Variants in PCNP observed in about 807,000 individuals in gnomAD.
PCNP encodes the protein PEST proteolytic signal-containing nuclear protein.
A neutral mutation model predicts 21.8 loss-of-function variants in PCNP; 6 were observed. The observed-to-expected ratio is 0.28, with a 90% CI of 0.15 to 0.54. PCNP has a LOEUF of 0.54. Among genes scored for constraint, PCNP ranks in the 20% least tolerant of loss-of-function variants. The pLI, the probability that PCNP is intolerant of heterozygous loss-of-function variation, is 0.95. For synonymous variants in PCNP, 67 were observed against 73.2 expected (o/e 0.92, Z 0.43); for missense variants, 161 against 215.5 (o/e 0.75, Z 1.58).
intron 1 of PCNP, chr3:101,576,635 T>A: frequency 3.7e-6 from 6 of 1,611,734 alleles, no homozygotes; most frequent in Non-Finnish European, 5.1e-6. Context: ...CGGAGCTTGT[T>A]GTCCAGACCA....
At chr3:101,591,680 TG>T (rs1935814941) in intron 4 of PCNP, among the ~76,000 whole-genome samples, 2 of 152,168 alleles carry the variant, frequency 1.3e-5, no homozygotes, top group East Asian at 1.9e-4. Flanking sequence ...TTACAAATGC[TG>T]GTGGCCAGCT....
At chr3:101,581,462 C>G (rs1425441896) in intron 2 of PCNP, among the ~76,000 whole-genome samples, 2 of 151,858 alleles carry the variant, frequency 1.3e-5, no homozygotes, top group Non-Finnish European at 2.9e-5. Flanking sequence ...GATGGAGTCT[C>G]TCACTCTGTC....
At chr3:101,574,566 C>T (rs994514590) in intron 1 of PCNP, among the ~76,000 whole-genome samples, 1 of 152,212 alleles carries the variant, frequency 6.6e-6, no homozygotes, top group African/African-American at 2.4e-5. Context: ...GGAGACCGAA[C>T]TCGGGGTGGG....
At chr3:101,580,853 GTTAC>G (rs764458532) in intron 2 of PCNP, among the ~76,000 whole-genome samples, 13 of 152,176 alleles carry the variant, frequency 8.5e-5, no homozygotes, top group African/African-American at 1.7e-4. Flanking sequence ...GAAAAAGGAA[GTTAC>G]TTAAATAGTG....
At chr3:101,575,757 A>G (rs1182599291) in intron 1 of PCNP, among the ~76,000 whole-genome samples, 1 of 152,142 alleles carries the variant, frequency 6.6e-6, no homozygotes, top group East Asian at 1.9e-4. Flanking sequence ...GTCAAAATGT[A>G]CCTTGAGTGT....
rs146357927 is a variant in PCNP, at chr3:101,575,781, C to G, written c.64+1502C>G. Among the ~76,000 whole-genome samples the G allele has an allele frequency of 3.9e-5, 6 of 152,154 alleles. No homozygotes were observed. In the South Asian group the frequency reaches 1.2e-3, roughly 32 times the overall value. ...TACCTTGAGTGTCATTATAAATCCA[C>G]TGTATAATTTACCTGCCATTCTTTC... On this transcript the variant is annotated intron_variant, in intron 1 of 4. Transcript: ENST00000265260.
intron 3 of PCNP, among the ~76,000 whole-genome samples, chr3:101,586,571 T>TGAGA (rs1553771573): frequency 1.8e-4 from 20 of 114,198 alleles, no homozygotes; most frequent in African/African-American, 3.6e-4. Flanking sequence ...TGTGTGTGTG[T>TGAGA]GAGAGAGAGA....
intron 1 of PCNP, chr3:101,577,061 G>A: frequency 1.5e-6 from 1 of 683,378 alleles, no homozygotes; most frequent in Non-Finnish European, 2.7e-6. Flanking sequence ...TCTTGACCTC[G>A]TGATCCGCCC....
At chr3:101,577,436 C>T (rs1230128283) in intron 1 of PCNP, among the ~76,000 whole-genome samples, 3 of 152,182 alleles carry the variant, frequency 2.0e-5, no homozygotes, top group Admixed American at 6.5e-5. Flanking sequence ...AGAGAGGTAG[C>T]TCTGCCCTTC....
intron 4 of PCNP, among the ~76,000 whole-genome samples, chr3:101,591,626 T>C (rs949429694): frequency 9.9e-5 from 15 of 152,188 alleles, no homozygotes; most frequent in African/African-American, 3.4e-4. Flanking sequence ...CACTGAACCT[T>C]TCTATGTGTA....
At chr3:101,579,425 C>T (rs945367586) in intron 1 of PCNP, among the ~76,000 whole-genome samples, 10 of 152,174 alleles carry the variant, frequency 6.6e-5, no homozygotes, top group African/African-American at 2.4e-4. Context: ...ACCAATTGCT[C>T]ACAAACTACT....
At chr3:101,579,573 C>T in intron 1 of PCNP, 1 of 688,886 alleles carries the variant, frequency 1.5e-6, no homozygotes, top group South Asian at 1.5e-5. Context: ...TTAAATTGCT[C>T]TGTATTTTAT....
At chr3:101,579,539 T>C (rs1391590243) in intron 1 of PCNP, 5 of 627,510 alleles carry the variant, frequency 8.0e-6, no homozygotes, top group African/African-American at 3.6e-5. Flanking sequence ...GTCTTGACTT[T>C]TTGTGAACTC....
intron 3 of PCNP, chr3:101,589,730 T>A (rs1935711260): frequency 6.2e-6 from 1 of 160,102 alleles, no homozygotes; most frequent in African/African-American, 2.4e-5. Flanking sequence ...GCTTTCAAGA[T>A]GTCTTTATTG....
At chr3:101,577,085 G>C (rs760659578) in intron 1 of PCNP, 2 of 665,022 alleles carry the variant, frequency 3.0e-6, no homozygotes, top group Non-Finnish European at 5.5e-6. Flanking sequence ...TCGGCCTCCC[G>C]AAGTGCTGGG....
At chr3:101,586,163 T>C (rs1476524761) in intron 3 of PCNP, among the ~76,000 whole-genome samples, 1 of 95,314 alleles carries the variant, frequency 1.0e-5, no homozygotes, top group African/African-American at 3.9e-5. Context: ...AGAGCTAGTC[T>C]CTGTCTCAAA....
intron 2 of PCNP, among the ~76,000 whole-genome samples, 195 bp downstream of exon 2, chr3:101,580,199 TAAG>T (rs1438752729): frequency 5.3e-5 from 8 of 152,264 alleles, no homozygotes; most frequent in South Asian, 2.1e-4. Context: ...ATAAAGCTGT[TAAG>T]AAACAAAGAT....
At chr3:101,590,151 T>C in intron 3 of PCNP, 64 bp from the exon 4 acceptor site, 2 of 846,088 alleles carry the variant, frequency 2.4e-6, no homozygotes. Context: ...ATTTAGCGTA[T>C]TAGTAATCAG....
intron 3 of PCNP, among the ~76,000 whole-genome samples, chr3:101,587,613 T>C (rs923809137): frequency 6.6e-6 from 1 of 150,738 alleles, no homozygotes; most frequent in Non-Finnish European, 1.5e-5. Flanking sequence ...CTGTGGAAAT[T>C]GAGAGAAGGA....
Sources: allele counts gnomAD v4.1 joint callset (sites outside exome capture counted in the v4.1 genomes callset), GRCh38; gene constraint gnomAD v4.1.1; transcripts MANE v1.5; gene names NCBI Gene and HGNC (gene_info 2026-07-23, HGNC 2026-07-21).